GLE1: variants seen among roughly 807,000 people sequenced by gnomAD.
GLE1 encodes GLE1 RNA export mediator.
GLE1 carries 78 observed loss-of-function variants against 97.3 expected under a neutral mutation model. The observed-to-expected ratio is 0.80, with a 90% CI of 0.67 to 0.97. The LOEUF is 0.97. Ranked by LOEUF, GLE1 falls within the 50% of genes least tolerant of loss-of-function variation. The probability of loss-of-function intolerance (pLI) is 0.00; values close to 1 mark genes in which losing one functional copy is unlikely to be tolerated. For missense variants in GLE1, 753 were observed against 857.5 expected (o/e 0.88, Z 1.52); for synonymous variants, 302 against 313.4 (o/e 0.96, Z 0.39).
intron 12 of GLE1, 54 bp downstream of exon 12, chr9:128,536,538 G>T: frequency 6.8e-7 from 1 of 1,479,462 alleles, no homozygotes; most frequent in Non-Finnish European, 9.4e-7. Context: ...CAGTCCATGT[G>T]TATTCCTCCC....
chr9:128,514,885 C>T (rs1846935352), intron 2 of GLE1, among the ~76,000 whole-genome samples: 1 of 151,970 alleles, frequency 6.6e-6, no homozygotes, highest in African/African-American at 2.4e-5. Context: ...GGCGCGATCT[C>T]AGCTCACTAC....
chr9:128,535,306 A>C (rs1421270053), intron 11 of GLE1, among the ~76,000 whole-genome samples: 1 of 149,960 alleles, frequency 6.7e-6, no homozygotes, highest in Non-Finnish European at 1.5e-5. Flanking sequence ...GGATCACCTG[A>C]GGCCAAGAGT....
chr9:128,510,556 T>C (rs1244662473), intron 2 of GLE1, among the ~76,000 whole-genome samples: 2 of 127,190 alleles, frequency 1.6e-5, no homozygotes, highest in Non-Finnish European at 3.2e-5. Flanking sequence ...TAAGATGGAG[T>C]CTAGCTCTGT....
Position 128,515,380 on chromosome 9 carries a change from C to T in GLE1, c.322-149C>T, listed in dbSNP as rs1846951477. On this transcript the variant is annotated intron_variant, in intron 2 of 15. Transcript: ENST00000309971. ...AAGTCAATGTCATTCATGAAAAGCA[C>T]ACTAGTTCTGACCTAAATTTTTTTT... The T allele has an allele frequency of 6.2e-6, 4 of 640,662 alleles. No homozygotes were observed. In the Admixed American group the frequency reaches 9.7e-5, roughly 16 times the overall value. The allele number at this position is 640,662 out of a possible 1,614,324, so 39.7% of individuals were successfully genotyped here.
At chr9:128,531,551 G>A (rs1045857133) in intron 9 of GLE1, among the ~76,000 whole-genome samples, 11 of 150,412 alleles carry the variant, frequency 7.3e-5, no homozygotes, top group African/African-American at 2.7e-4. Context: ...AGTGGATGTC[G>A]CCGGGTGTGG....
intron 11 of GLE1, among the ~76,000 whole-genome samples, chr9:128,534,844 G>A (rs937663737): frequency 6.6e-5 from 10 of 151,588 alleles, no homozygotes; most frequent in South Asian, 2.1e-4. Context: ...TCAGCCTCCC[G>A]AGTAGCTGGG....
At chr9:128,527,348 T>C in intron 8 of GLE1, 57 bp downstream of exon 8, 1 of 1,275,430 alleles carries the variant, frequency 7.8e-7, no homozygotes, top group South Asian at 1.2e-5. Flanking sequence ...CAGAGAATGA[T>C]CACTTCGTGT....
intron 2 of GLE1, among the ~76,000 whole-genome samples, chr9:128,515,254 T>G (rs1231126842): frequency 1.3e-5 from 2 of 152,094 alleles, no homozygotes; most frequent in Non-Finnish European, 2.9e-5. Context: ...GGAAACATTT[T>G]CTAGGCAGAG....
In GLE1 at chr9:128,525,196, G is replaced by C; in HGVS notation, c.902G>C (p.Ser301Thr). 3.7e-6 allele frequency: 6 copies of C among 1,612,982 alleles called. No individual in the cohort carries two copies. Among genetic ancestry groups the C allele is most frequent in the Non-Finnish European group, 5.1e-6 (6 of 1,178,952 alleles). ...CCATCTCCGTCACTCTGACAGAGCA[G>C]CTATCCCACAGCAGAGAGTCAAGCT... ...SGIIRASSES[S>T]YPTAESQAEA... Residue 301 changes from serine (S) to threonine (T), a missense_variant, in exon 7 of 16, where the codon AGC becomes ACC. Ser to Thr is a moderately conservative substitution (Grantham distance 58). Coordinates refer to ENST00000309971, the MANE Select transcript of GLE1 (RefSeq NM_001003722.2).
At position 128,534,803 on chromosome 9, in the gene GLE1, C is replaced by T. The variant is rs528007326; in HGVS notation, c.1646+852C>T. 2.0e-5 allele frequency among the ~76,000 whole-genome samples: 3 copies of T among 152,138 alleles called. No individual in the cohort carries two copies. In the South Asian group the frequency reaches 6.2e-4, roughly 32 times the overall value. On this transcript the variant is annotated intron_variant, in intron 11 of 15. Coordinates refer to ENST00000309971, the MANE Select transcript of GLE1 (RefSeq NM_001003722.2). Reference sequence around the variant, plus strand: ...GCGTGATCTCAGCTCACTGCAACCTCTGCCTCCTGGGTTCAAGTGATTATC... The same window carrying T: ...GCGTGATCTCAGCTCACTGCAACCTTTGCCTCCTGGGTTCAAGTGATTATC...
intron 8 of GLE1, 50 bp from the exon 9 acceptor site, chr9:128,527,406 A>T: frequency 7.3e-7 from 1 of 1,379,104 alleles, no homozygotes; most frequent in Non-Finnish European, 1.0e-6. Flanking sequence ...TCTAAGTGAC[A>T]TCTACTCAGC....
At chr9:128,525,630 G>C (rs1847279792) in intron 7 of GLE1, among the ~76,000 whole-genome samples, 1 of 152,182 alleles carries the variant, frequency 6.6e-6, no homozygotes, top group Non-Finnish European at 1.5e-5. Context: ...AACTCTAGCA[G>C]ATACATTATT....
chr9:128,540,515 T>C, intron 15 of GLE1, 177 bp downstream of exon 15: 2 of 647,626 alleles, frequency 3.1e-6, no homozygotes, highest in African/African-American at 1.8e-5. Context: ...CCATTTCCTC[T>C]TCTTTATATG....
intron 7 of GLE1, among the ~76,000 whole-genome samples, chr9:128,526,703 G>A (rs963209207): frequency 6.6e-6 from 1 of 151,598 alleles, no homozygotes; most frequent in South Asian, 2.1e-4. Context: ...TCTCACTCTT[G>A]TTACCCAGGC....
In GLE1 at chr9:128,504,810, C is replaced by A. The variant is rs150246404; in HGVS notation, c.5C>A (p.Pro2Gln). 1.9e-6 allele frequency: 3 copies of A among 1,605,864 alleles called. No homozygotes were observed. Among genetic ancestry groups the A allele is most frequent in the Admixed American group, 3.3e-5 (2 of 60,022 alleles). Residue 2 changes from proline (P) to glutamine (Q), a missense_variant, in exon 1 of 16, where the codon CCG becomes CAG. Transcript: ENST00000309971. ...GAAGCTGCCCCTTAGCCAACCATGC[C>A]GTCTGAGGGTCGCTGCTGGGAGACC... MPSEGRCWETLK... is the reference protein window; with the variant it reads MQSEGRCWETLK...
At position 128,525,400 on chromosome 9, in the gene GLE1, G is replaced by T. The variant is rs1428556815; in HGVS notation, c.1106G>T (p.Gly369Val). 1 of 1,605,850 alleles carries T rather than the reference G, an allele frequency of 6.2e-7. No individual in the cohort carries two copies. The highest frequency in any genetic ancestry group is 1.3e-5 in the African/African-American group (1 of 74,764). Reference sequence around the variant, plus strand: ...AAAGAGCCCCCAGCTCCCAGCCAGGGCCCAGGAGGGAAACAGAATGAAGGT... The same window carrying T: ...AAAGAGCCCCCAGCTCCCAGCCAGGTCCCAGGAGGGAAACAGAATGAAGGT... ...AHKEPPAPSQ[G>V]PGGKQNEDLQ... The change falls in exon 7 of 16, where the codon GGC (glycine) becomes GTC (valine). Residue 369 changes from glycine (G) to valine (V), a missense_variant. Transcript: ENST00000309971.
In GLE1 at chr9:128,525,265, A is replaced by C; in HGVS notation, c.971A>C (p.Asn324Thr). Residue 324 changes from asparagine (N) to threonine (T), a missense_variant, in exon 7 of 16, where the codon AAC (asparagine) becomes ACC (threonine). Asn to Thr is a moderately conservative substitution (Grantham distance 65). Transcript: ENST00000309971. Reference sequence around the variant, plus strand: ...CGGGAAATGCGGGACCTCCTGATGAACTTGGGGCAGGAGATCACCAGAGCC... The same window carrying C: ...CGGGAAATGCGGGACCTCCTGATGACCTTGGGGCAGGAGATCACCAGAGCC... ...ALREMRDLLM[N>T]LGQEITRACE... is the part of the protein sequence containing the mutation. 1 of 1,614,200 alleles carries C rather than the reference A, an allele frequency of 6.2e-7. No individual in the cohort carries two copies. Among genetic ancestry groups the C allele is most frequent in the Non-Finnish European group, 8.5e-7 (1 of 1,180,046 alleles).
intron 9 of GLE1, chr9:128,532,525 G>C (rs1209429834): frequency 6.4e-6 from 1 of 155,306 alleles, no homozygotes; most frequent in African/African-American, 2.4e-5. Context: ...AAAAAAAAAA[G>C]CATTTATTGG....
intron 6 of GLE1, 77 bp downstream of exon 6, chr9:128,523,923 A>G: frequency 7.1e-7 from 1 of 1,404,126 alleles, no homozygotes; most frequent in Non-Finnish European, 1.0e-6. Context: ...TTCTGACTTA[A>G]AAAGTAATAC....
Sources: allele counts gnomAD v4.1 joint callset (sites outside exome capture counted in the v4.1 genomes callset), GRCh38; gene constraint gnomAD v4.1.1; transcripts MANE v1.5; gene names NCBI Gene and HGNC (gene_info 2026-07-23, HGNC 2026-07-21).